The following RBPJ variants were observed in gnomAD, a reference collection of about 807,000 sequenced individuals.
RBPJ encodes recombination signal binding protein for immunoglobulin kappa J region.
A neutral mutation model predicts 67.8 loss-of-function variants in RBPJ; 9 were observed. The observed-to-expected ratio is 0.13, with a 90% confidence interval of 0.08 to 0.23. The LOEUF (loss-of-function observed/expected upper bound fraction) is 0.23, where lower values mean the gene tolerates loss of function less well. Among genes scored for constraint, RBPJ ranks in the 10% least tolerant of loss-of-function variants. The pLI is 1.00. For missense variants in RBPJ, 305 were observed against 595.6 expected (o/e 0.51, Z 5.08); for synonymous variants, 198 against 203.3 (o/e 0.97, Z 0.22).
upstream of RBPJ, among the ~76,000 whole-genome samples, chr4:26,316,510 C>CATAT (rs56377206): frequency 5.6e-5 from 5 of 88,990 alleles, no homozygotes; most frequent in African/African-American, 1.1e-4. Context: ...CATATATATT[C>CATAT]ATATATATTC....
At chr4:26,116,125 A>G in the RBPJ span, among the ~76,000 whole-genome samples, 1 of 152,216 alleles carries the variant, frequency 6.6e-6, no homozygotes, top group Non-Finnish European at 1.5e-5. Flanking sequence ...AATAAAATTG[A>G]CCATTCCAAC....
intron 1 of RBPJ, among the ~76,000 whole-genome samples, chr4:26,325,750 C>A (rs1277763150): frequency 6.6e-6 from 1 of 152,132 alleles, no homozygotes; most frequent in East Asian, 1.9e-4. Context: ...GTGCTTCAGT[C>A]ATATTAAAGT....
chr4:26,221,632 G>T (rs1435288070), intron 1 of RBPJ, among the ~76,000 whole-genome samples: 1 of 152,186 alleles, frequency 6.6e-6, no homozygotes, highest in South Asian at 2.1e-4. Context: ...GAGAGTAGGA[G>T]AGAAAGAGAG....
intron 1 of RBPJ, among the ~76,000 whole-genome samples, chr4:26,202,977 G>A (rs1411190633): frequency 1.2e-4 from 2 of 16,806 alleles, no homozygotes; most frequent in African/African-American, 2.4e-4. Context: ...AAATAAGGAA[G>A]GAAGGAAGGA....
the RBPJ span, among the ~76,000 whole-genome samples, chr4:26,131,875 T>A: frequency 6.6e-6 from 1 of 152,120 alleles, no homozygotes; most frequent in South Asian, 2.1e-4. Flanking sequence ...ATCCCACCTC[T>A]CCCCTCACCA....
chr4:26,422,709 C>G (rs1010637173), intron 5 of RBPJ, among the ~76,000 whole-genome samples: 1 of 152,152 alleles, frequency 6.6e-6, no homozygotes, highest in Non-Finnish European at 1.5e-5. Flanking sequence ...CAAACACTCT[C>G]AAGTAGACAG....
Position 26,431,509 on chromosome 4 carries a change from C to T in RBPJ, c.*502C>T, listed in dbSNP as rs1308382967. ...GTTCTCTTCCCCACCCACCTTTGAGCTTTTGCTCTAAAATACATTCAGGTT... is the reference window on the plus strand; with the variant it reads ...GTTCTCTTCCCCACCCACCTTTGAGTTTTTGCTCTAAAATACATTCAGGTT... On this transcript the variant is annotated 3_prime_UTR_variant, in exon 11 of 11. Coordinates refer to ENST00000355476, the MANE Select transcript of RBPJ (RefSeq NM_015874.6). 2.0e-5 allele frequency: 3 copies of T among 152,344 alleles called. No individual in the cohort carries two copies. The highest frequency in any genetic ancestry group is 4.4e-5 in the Non-Finnish European group (3 of 68,638). 9.4% of individuals were successfully genotyped at this position (152,344 alleles called of 1,614,324 possible).
chr4:26,122,707 A>G, the RBPJ span, among the ~76,000 whole-genome samples: 3 of 152,220 alleles, frequency 2.0e-5, no homozygotes, highest in African/African-American at 7.2e-5. Context: ...ATTTTGATAT[A>G]CATATGAATG....
At chr4:26,203,433 A>G (rs1718060999) in intron 1 of RBPJ, among the ~76,000 whole-genome samples, 3 of 152,072 alleles carry the variant, frequency 2.0e-5, no homozygotes, top group African/African-American at 7.2e-5. Context: ...CCATACCCCT[A>G]TCTCTCTGTC....
intron 1 of RBPJ, among the ~76,000 whole-genome samples, chr4:26,228,937 A>G (rs964029630): frequency 3.9e-5 from 6 of 152,182 alleles, no homozygotes; most frequent in Middle Eastern, 3.4e-3. Context: ...TCCCACCTCC[A>G]TTTACTCAGC....
intron 1 of RBPJ, among the ~76,000 whole-genome samples, chr4:26,343,909 C>T (rs1270665176): frequency 6.6e-6 from 1 of 151,974 alleles, no homozygotes; most frequent in Non-Finnish European, 1.5e-5. Flanking sequence ...CGCCACCACA[C>T]TCGGCTAATT....
intron 1 of RBPJ, among the ~76,000 whole-genome samples, chr4:26,327,560 T>G (rs956702322): frequency 2.7e-5 from 4 of 150,164 alleles, no homozygotes; most frequent in African/African-American, 9.8e-5. Flanking sequence ...TTTTTTTTTT[T>G]TTTTTTGTAT....
intron 1 of RBPJ, among the ~76,000 whole-genome samples, chr4:26,361,048 A>AGTGAGTGT (rs1553870956): frequency 2.7e-5 from 4 of 147,346 alleles, no homozygotes; most frequent in East Asian, 2.0e-4. Context: ...TTCAGGAGTG[A>AGTGAGTGT]GTGTGTGTGC....
chr4:26,424,828 A>G lies in RBPJ; in HGVS notation c.747+85A>G. ...AAAATCACAACATTCAAATGGAAAA[A>G]CACACCTCAGTTTTATGCTTTTTAA... On this transcript the variant is annotated intron_variant, in intron 7 of 10. Transcript: ENST00000355476. This position sits in a 1 kb window ranked among gnomAD's most constrained non-coding sequence, Gnocchi z 5.3. 1 of 774,916 alleles carries G rather than the reference A, an allele frequency of 1.3e-6. No individual in the cohort carries two copies. The highest frequency in any genetic ancestry group is 2.5e-5 in the East Asian group (1 of 40,014). 48.0% of individuals were successfully genotyped at this position (774,916 alleles called of 1,614,324 possible).
At chr4:26,311,692 T>C (rs1414318511) in intron 1 of RBPJ, among the ~76,000 whole-genome samples, 1 of 152,214 alleles carries the variant, frequency 6.6e-6, no homozygotes, top group Non-Finnish European at 1.5e-5. Flanking sequence ...CATTTATTGA[T>C]TTTTAAAAAA....
At chr4:26,224,028 TAG>T (rs750389375) in intron 1 of RBPJ, among the ~76,000 whole-genome samples, 1 of 152,190 alleles carries the variant, frequency 6.6e-6, no homozygotes, top group African/African-American at 2.4e-5. Flanking sequence ...GCTAAGATAA[TAG>T]AGAGAGTTTA....
chr4:26,127,837 C>A, the RBPJ span, among the ~76,000 whole-genome samples: 1 of 152,350 alleles, frequency 6.6e-6, no homozygotes, highest in East Asian at 1.9e-4. Context: ...GGCCTCCCAG[C>A]CACCCCATGT....
At chr4:26,407,953 T>C (rs1039986327) in intron 3 of RBPJ, among the ~76,000 whole-genome samples, 3 of 140,262 alleles carry the variant, frequency 2.1e-5, no homozygotes, top group Non-Finnish European at 4.5e-5. Flanking sequence ...TGCAGTGGTA[T>C]GATTTCCACT....
chr4:26,281,117 T>C (rs1426059793), intron 1 of RBPJ, among the ~76,000 whole-genome samples: 1 of 152,214 alleles, frequency 6.6e-6, no homozygotes, highest in African/African-American at 2.4e-5. Flanking sequence ...AAACAATTTA[T>C]ACTAAAAATC....
Sources: allele counts gnomAD v4.1 joint callset (sites outside exome capture counted in the v4.1 genomes callset), GRCh38; gene constraint gnomAD v4.1.1; non-coding constraint Gnocchi (gnomAD v3.1); transcripts MANE v1.5; gene names NCBI Gene and HGNC (gene_info 2026-07-23, HGNC 2026-07-21).